BABAM2: variants seen among roughly 807,000 people sequenced by gnomAD.
The protein encoded by BABAM2 is BRISC and BRCA1 A complex member 2.
In BABAM2, 31 loss-of-function variants were observed where a neutral mutation model predicts 54.7. The ratio of observed to expected loss-of-function variants is 0.57; its 90% CI spans 0.43 to 0.77. BABAM2 has a LOEUF of 0.77. Among genes scored for constraint, BABAM2 ranks in the 30% least tolerant of loss-of-function variants. BABAM2 has a pLI of 0.00. For missense variants in BABAM2, 364 were observed against 455.8 expected, an observed-to-expected ratio of 0.80 and a Z score of 1.83; for synonymous variants, 167 against 162.9, an observed-to-expected ratio of 1.03 and a Z score of -0.19.
At chr2:28,078,445 G>A (rs540496061) in intron 6 of BABAM2, among the ~76,000 whole-genome samples, 1 of 151,996 alleles carries the variant, frequency 6.6e-6, no homozygotes, top group African/African-American at 2.4e-5. Context: ...AATAATGAAA[G>A]AAAAAAACCC....
intron 6 of BABAM2, among the ~76,000 whole-genome samples, chr2:28,127,033 A>G (rs948698456): frequency 6.6e-6 from 1 of 151,666 alleles, no homozygotes; most frequent in African/African-American, 2.4e-5. Context: ...TAGATTCTGG[A>G]TATTAGCCCT....
At chr2:28,065,469 T>C (rs1679242920) in intron 6 of BABAM2, among the ~76,000 whole-genome samples, 2 of 152,100 alleles carry the variant, frequency 1.3e-5, no homozygotes. Context: ...TCGCCTCTGT[T>C]ATTCTAAGCC....
intron 3 of BABAM2, among the ~76,000 whole-genome samples, chr2:27,973,289 C>G (rs1056286240): frequency 3.9e-5 from 6 of 152,090 alleles, no homozygotes; most frequent in Middle Eastern, 3.2e-3. Flanking sequence ...ATTTGTTTAT[C>G]TTTTCTTTCC....
chr2:28,161,519 G>A (rs1673093151), intron 7 of BABAM2, among the ~76,000 whole-genome samples: 3 of 152,146 alleles, frequency 2.0e-5, no homozygotes, highest in South Asian at 4.1e-4. Context: ...AACTCCCAAA[G>A]TGTCTCAAAG....
At chr2:28,026,874 T>TTATATATATAGATATATATATTTATA (rs1675796707) in intron 5 of BABAM2, among the ~76,000 whole-genome samples, 1 of 47,538 alleles carries the variant, frequency 2.1e-5, no homozygotes, top group African/African-American at 9.6e-5. Context: ...ATATATATAT[T>TTATATATATAGATATATATATTTATA]TATATATATA....
Position 27,898,286 on chromosome 2 carries a change from C to G in BABAM2, c.128+3602C>G, listed in dbSNP as rs549632849. The stretch of plus-strand genomic sequence containing the variant: ...TAATCCTATTTTCTTTTCCTTCCCA[C>G]CTCAGGTCTTCTGGACCTAGCCTAT... On this transcript the variant is annotated intron_variant, in intron 2 of 11. Transcript: ENST00000379624. Among the ~76,000 whole-genome samples, 4 of 152,282 alleles carry G rather than the reference C, an allele frequency of 2.6e-5. No homozygotes were observed. In the East Asian group the frequency reaches 7.7e-4, roughly 29 times the overall value.
intron 10 of BABAM2, among the ~76,000 whole-genome samples, chr2:28,245,720 G>GAATTGACTTCACTCAAACCCATGGCTTTT (rs1229823806): frequency 6.6e-6 from 1 of 152,146 alleles, no homozygotes; most frequent in African/African-American, 2.4e-5. Context: ...CAGTGGGTTT[G>GAATTGACTTCACTCAAACCCATGGCTTTT]AATTGACTTC....
intron 11 of BABAM2, among the ~76,000 whole-genome samples, chr2:28,317,163 G>A (rs1689625935): frequency 6.6e-6 from 1 of 152,280 alleles, no homozygotes; most frequent in Middle Eastern, 3.4e-3. Context: ...TTCTCTACCA[G>A]CCGGCTCATG....
intron 7 of BABAM2, among the ~76,000 whole-genome samples, chr2:28,150,448 G>C (rs537533824): frequency 6.6e-6 from 1 of 152,182 alleles, no homozygotes; most frequent in Non-Finnish European, 1.5e-5. Flanking sequence ...ACAACAGCCA[G>C]AAAAGAGAGA....
chr2:27,992,741 A>G (rs1326425678), intron 4 of BABAM2, among the ~76,000 whole-genome samples: 1 of 152,136 alleles, frequency 6.6e-6, no homozygotes, highest in African/African-American at 2.4e-5. Flanking sequence ...CTTTAACTTG[A>G]ACTTCTTCTC....
intron 7 of BABAM2, among the ~76,000 whole-genome samples, chr2:28,184,671 C>T (rs780586621): frequency 4.6e-5 from 7 of 152,006 alleles, no homozygotes; most frequent in Non-Finnish European, 7.3e-5. Flanking sequence ...TCTATGGCTG[C>T]GTAGTATTCC....
At chr2:28,033,924 TTAA>T (rs1676477867) in intron 5 of BABAM2, among the ~76,000 whole-genome samples, 1 of 152,160 alleles carries the variant, frequency 6.6e-6, no homozygotes, top group African/African-American at 2.4e-5. Flanking sequence ...TATTTTTTCC[TTAA>T]TAATGATTTA....
At chr2:28,020,019 A>G (rs1052432915) in intron 4 of BABAM2, among the ~76,000 whole-genome samples, 1 of 152,210 alleles carries the variant, frequency 6.6e-6, no homozygotes, top group Non-Finnish European at 1.5e-5. Flanking sequence ...AGCACAATAA[A>G]CTGCTTCAAC....
At chr2:27,909,873 T>G (rs2148300799) in intron 2 of BABAM2, among the ~76,000 whole-genome samples, 1 of 152,338 alleles carries the variant, frequency 6.6e-6, no homozygotes, top group East Asian at 1.9e-4. Context: ...CATAAGCAGC[T>G]CTATATTGGC....
At chr2:28,319,689 G>A (rs1422652233) in intron 11 of BABAM2, among the ~76,000 whole-genome samples, 5 of 152,266 alleles carry the variant, frequency 3.3e-5, no homozygotes, top group Non-Finnish European at 5.9e-5. Flanking sequence ...GCTGGGAGCA[G>A]AGAGTTGGTC....
At chr2:28,331,520 A>G (rs1330721946) in intron 11 of BABAM2, among the ~76,000 whole-genome samples, 1 of 152,236 alleles carries the variant, frequency 6.6e-6, no homozygotes, top group Non-Finnish European at 1.5e-5. Flanking sequence ...ATGAACAGAC[A>G]CTTCTCAAAA....
In BABAM2 at chr2:28,096,442, G is replaced by A. The variant is rs58110733; in HGVS notation, c.571-32829G>A. Among the ~76,000 whole-genome samples the A allele has an allele frequency of 4.0e-3, 610 of 151,876 alleles. 2 individuals are homozygous for A. Among genetic ancestry groups the A allele is most frequent in the African/African-American group, 0.013 (529 of 41,412 alleles). ...TAAAGGACAGCTCTCTCATCTTAGC[G>A]GGAGTGAGGTTGAGGGAAGGTACAG... On this transcript the variant is annotated intron_variant, in intron 6 of 11. Coordinates refer to ENST00000379624, the MANE Select transcript of BABAM2 (RefSeq NM_199191.3).
intron 7 of BABAM2, among the ~76,000 whole-genome samples, chr2:28,203,208 A>C (rs1215347905): frequency 6.6e-6 from 1 of 152,196 alleles, no homozygotes; most frequent in African/African-American, 2.4e-5. Context: ...TCTCATTTCA[A>C]AGCATTTATC....
intron 11 of BABAM2, among the ~76,000 whole-genome samples, chr2:28,312,738 T>C (rs1457924561): frequency 6.6e-6 from 1 of 151,962 alleles, no homozygotes; most frequent in East Asian, 1.9e-4. Context: ...TCACAGAACA[T>C]GGAACATGGA....
Sources: allele counts gnomAD v4.1 joint callset (sites outside exome capture counted in the v4.1 genomes callset), GRCh38; gene constraint gnomAD v4.1.1; transcripts MANE v1.5; gene names NCBI Gene and HGNC (gene_info 2026-07-23, HGNC 2026-07-21).